The following TRPM1 variants were observed in gnomAD, a reference collection of about 807,000 sequenced individuals.
The protein encoded by TRPM1 is transient receptor potential cation channel subfamily M member 1, also known as TRPM1-203 APA Isoform, Intron 10.
In TRPM1, 113 loss-of-function variants were observed where a neutral mutation model predicts 149.4. The observed-to-expected ratio is 0.76, with a 90% CI of 0.65 to 0.88. The LOEUF (loss-of-function observed/expected upper bound fraction) is 0.88. Among genes scored for constraint, TRPM1 ranks in the 40% least tolerant of loss-of-function variants. TRPM1 has a pLI of 0.00. For synonymous variants in TRPM1, 741 were observed against 759.5 expected, an observed-to-expected ratio of 0.98 and a Z score of 0.40; for missense variants, 1,976 against 2,038.7, an observed-to-expected ratio of 0.97 and a Z score of 0.59.
At chr15:31,129,782 C>A (rs968537351) in intron 1 of TRPM1, among the ~76,000 whole-genome samples, 1 of 152,146 alleles carries the variant, frequency 6.6e-6, no homozygotes, top group African/African-American at 2.4e-5. Context: ...CCTCCTTGCC[C>A]AGGTATTACA....
At chr15:31,158,455 G>C (rs1424460719) in intron 1 of TRPM1, among the ~76,000 whole-genome samples, 1 of 151,998 alleles carries the variant, frequency 6.6e-6, no homozygotes, top group Middle Eastern at 3.2e-3. Context: ...GTGAAATGCT[G>C]TCTCTACTAA....
At chr15:31,151,259 G>T (rs1006882976) in intron 1 of TRPM1, among the ~76,000 whole-genome samples, 1 of 152,128 alleles carries the variant, frequency 6.6e-6, no homozygotes, top group South Asian at 2.1e-4. Flanking sequence ...GTTGAAGCAG[G>T]GTAATACCTC....
chr15:31,099,802 A>C (rs2035473493), intron 1 of TRPM1, among the ~76,000 whole-genome samples: 1 of 152,230 alleles, frequency 6.6e-6, no homozygotes, highest in Admixed American at 6.5e-5. Flanking sequence ...TGCTATAAAT[A>C]TAATTGCAAA....
chr15:31,119,874 G>T (rs2035853687), intron 1 of TRPM1, among the ~76,000 whole-genome samples: 3 of 152,100 alleles, frequency 2.0e-5, no homozygotes. Context: ...TATGGTAAGA[G>T]AAGAGAGAAC....
chr15:31,016,520 C>G (rs2032358326), intron 27 of TRPM1, among the ~76,000 whole-genome samples: 1 of 152,076 alleles, frequency 6.6e-6, no homozygotes, highest in Non-Finnish European at 1.5e-5. Context: ...GCACTGACTT[C>G]ACAGAAAAAA....
At chr15:31,114,215 T>A (rs2035765719) in intron 1 of TRPM1, among the ~76,000 whole-genome samples, 1 of 152,200 alleles carries the variant, frequency 6.6e-6, no homozygotes, top group Non-Finnish European at 1.5e-5. Flanking sequence ...TTCCCCTCTA[T>A]GTGTCCAAGT....
chr15:31,096,682 C>A (rs2035392912), intron 1 of TRPM1, among the ~76,000 whole-genome samples: 1 of 152,244 alleles, frequency 6.6e-6, no homozygotes, highest in South Asian at 2.1e-4. Context: ...CAGGGCCAGC[C>A]TCTTGTGCCT....
At chr15:31,065,925 G>T (rs1302961345) in intron 7 of TRPM1, 151 bp downstream of exon 7, 19 of 938,864 alleles carry the variant, frequency 2.0e-5, no homozygotes, top group Non-Finnish European at 3.1e-5. Context: ...AGGTGGCTAA[G>T]GTAAGACATC....
At chr15:31,052,084 G>A (rs755803965) in intron 11 of TRPM1, among the ~76,000 whole-genome samples, 1 of 152,118 alleles carries the variant, frequency 6.6e-6, no homozygotes, top group African/African-American at 2.4e-5. Context: ...TATTTCAAAG[G>A]CCTATTAATA....
chr15:31,033,592 C>G (rs958790300), intron 21 of TRPM1, among the ~76,000 whole-genome samples: 13 of 152,158 alleles, frequency 8.5e-5, no homozygotes, highest in African/African-American at 3.1e-4. Context: ...GGTTGCCATG[C>G]CAGGTGGTAC....
At position 31,047,099 on chromosome 15, in the gene TRPM1, A is replaced by G. The variant is rs1162783386; in HGVS notation, c.1764+12T>C. 1.9e-6 allele frequency: 3 copies of G among 1,614,108 alleles called. No homozygotes were observed. The highest frequency in any genetic ancestry group is 3.3e-5 in the Admixed American group (2 of 60,010). ...GCGAACCACAGAACACTACACAGGC[A>G]CTGAGTTCTACCCTCTTTGGTCCAA... On this transcript the variant is annotated intron_variant, in intron 15 of 27. Transcript: ENST00000256552.
In TRPM1 at chr15:31,049,447, C is replaced by T. The variant is rs1309271773; in HGVS notation, c.1500G>A (p.Lys500=). ...TGTTCACTCCGTTTTCAATCAGGAG[C>T]TTCACAAAGTCGACACGATCTAAGA... ...ALVLDRVDFV[K]LLIENGVNMQ... The change falls in exon 13 of 28, where the codon AAG becomes AAA. Residue 500 remains lysine (K), a synonymous_variant. Coordinates refer to ENST00000256552, the MANE Select transcript of TRPM1 (RefSeq NM_001252024.2). 6.2e-7 allele frequency: 1 copy of T among 1,614,058 alleles called. No homozygotes were observed. Among genetic ancestry groups the T allele is most frequent in the Non-Finnish European group, 8.5e-7 (1 of 1,180,048 alleles).
chr15:31,088,769 C>A (rs865805054), intron 1 of TRPM1, among the ~76,000 whole-genome samples: 4 of 148,702 alleles, frequency 2.7e-5, no homozygotes, highest in Non-Finnish European at 5.9e-5. Context: ...ACGTTCCCAA[C>A]CATGGTATCA....
upstream of TRPM1, among the ~76,000 whole-genome samples, chr15:31,104,787 G>T (rs189902774): frequency 1.3e-5 from 2 of 151,972 alleles, no homozygotes; most frequent in African/African-American, 4.8e-5. Flanking sequence ...ATAGAGACTG[G>T]GTTTCACCGT....
upstream of TRPM1, among the ~76,000 whole-genome samples, chr15:31,103,685 T>A (rs543310843): frequency 1.8e-4 from 27 of 151,304 alleles, no homozygotes; most frequent in South Asian, 5.5e-3. Flanking sequence ...TGGTGGTGGG[T>A]GCCTGTAATC....
At chr15:31,028,965 T>C (rs1325345005) in intron 24 of TRPM1, among the ~76,000 whole-genome samples, 3 of 152,224 alleles carry the variant, frequency 2.0e-5, no homozygotes, top group African/African-American at 7.2e-5. Flanking sequence ...CTTCTAATTA[T>C]TTAACATCAG....
At chr15:31,135,041 C>T (rs1190902609) in intron 1 of TRPM1, among the ~76,000 whole-genome samples, 1 of 152,102 alleles carries the variant, frequency 6.6e-6, no homozygotes, top group African/African-American at 2.4e-5. Flanking sequence ...CCTGGTTATC[C>T]CCCATATATA....
chr15:31,009,466 T>A, intron 27 of TRPM1, among the ~76,000 whole-genome samples: 1 of 149,348 alleles, frequency 6.7e-6, no homozygotes, highest in Non-Finnish European at 1.5e-5. Context: ...GTCAATTTTT[T>A]TCTTTGCTGT....
At chr15:31,143,186 C>T (rs962011977) in intron 1 of TRPM1, among the ~76,000 whole-genome samples, 3 of 152,020 alleles carry the variant, frequency 2.0e-5, no homozygotes, top group Admixed American at 1.3e-4. Context: ...TATAGGCTTC[C>T]GATAACTTTG....
Sources: gnomAD v4.1 joint callset for allele counts (sites outside exome capture counted in the v4.1 genomes callset) on GRCh38, gnomAD v4.1.1 for gene constraint, MANE v1.5 for transcripts, NCBI Gene and HGNC (gene_info 2026-07-23, HGNC 2026-07-21) for gene names.